Variants in TMTC1 observed in about 807,000 individuals in gnomAD.
TMTC1 encodes protein O-mannosyl-transferase TMTC1.
A neutral mutation model predicts 104.8 loss-of-function variants in TMTC1; 73 were observed. The ratio of observed to expected loss-of-function variants is 0.70; its 90% CI spans 0.58 to 0.85. TMTC1 has a LOEUF of 0.85. Among genes scored for constraint, TMTC1 ranks in the 40% least tolerant of loss-of-function variants. The pLI, the probability that TMTC1 is intolerant of heterozygous loss-of-function variation, is 0.00. For synonymous variants in TMTC1, 434 were observed against 428.7 expected, an observed-to-expected ratio of 1.01 and a Z score of -0.15; for missense variants, 1,035 against 1,096.1, an observed-to-expected ratio of 0.94 and a Z score of 0.79.
intron 7 of TMTC1, among the ~76,000 whole-genome samples, chr12:29,583,882 C>G (rs926835591): frequency 1.3e-4 from 20 of 152,190 alleles, no homozygotes; most frequent in African/African-American, 3.9e-4. Context: ...CATATAAGCT[C>G]TTGGGTCCTG....
chr12:29,758,710 T>A lies in TMTC1; in HGVS notation c.548A>T (p.Tyr183Phe). 6.2e-7 allele frequency: 1 copy of A among 1,613,536 alleles called. No individual in the cohort carries two copies. The highest frequency in any genetic ancestry group is 1.1e-5 in the South Asian group (1 of 90,974). The change falls in exon 3 of 18, where the codon TAC becomes TTC. Residue 183 changes from tyrosine (Y) to phenylalanine (F), a missense_variant. Physicochemically the swap from Tyr to Phe is conservative, Grantham distance 22. Transcript: ENST00000539277. ...CLLFLLAFLSYNRSLDQGCVG... is the reference protein window; with the variant it reads ...CLLFLLAFLSFNRSLDQGCVG... ...CATTCTTAGCTACACATACCTGTTG[T>A]ACGAGAGAAAGGCCAATAGAAACAG...
intron 3 of TMTC1, among the ~76,000 whole-genome samples, chr12:29,758,493 T>A (rs564664341): frequency 1.3e-5 from 2 of 152,210 alleles, no homozygotes; most frequent in East Asian, 3.9e-4. Context: ...GGGAAAGCAA[T>A]CCCTTTAAGG....
At chr12:29,773,494 C>T (rs1181758354) in intron 1 of TMTC1, among the ~76,000 whole-genome samples, 1 of 152,142 alleles carries the variant, frequency 6.6e-6, no homozygotes. Flanking sequence ...GGACTAGAGT[C>T]CTTCCTCAAA....
At chr12:29,521,907 G>A (rs747983376) in intron 11 of TMTC1, among the ~76,000 whole-genome samples, 3 of 152,104 alleles carry the variant, frequency 2.0e-5, no homozygotes, top group Non-Finnish European at 4.4e-5. Context: ...AGACTGTTAT[G>A]TCACACTTAC....
intron 17 of TMTC1, 45 bp from the exon 18 acceptor site, chr12:29,507,031 A>G (rs1424876350): frequency 1.9e-6 from 3 of 1,559,054 alleles, no homozygotes; most frequent in Non-Finnish European, 2.7e-6. Context: ...ATCCATCACA[A>G]AACTCTCTCA....
chr12:29,670,522 C>T (rs1255266365), intron 5 of TMTC1, among the ~76,000 whole-genome samples: 1 of 152,206 alleles, frequency 6.6e-6, no homozygotes, highest in Non-Finnish European at 1.5e-5. Flanking sequence ...AGCTCTGCTA[C>T]CTCTCACGGC....
intron 5 of TMTC1, among the ~76,000 whole-genome samples, chr12:29,683,462 A>G (rs1940987333): frequency 6.6e-6 from 1 of 152,238 alleles, no homozygotes; most frequent in Non-Finnish European, 1.5e-5. Flanking sequence ...AAAATCTTGA[A>G]GCATCTGAAC....
In TMTC1 at chr12:29,507,002, A is replaced by C. The variant is rs781753208; in HGVS notation, c.2509-16T>G. 6.2e-7 allele frequency: 1 copy of C among 1,609,784 alleles called. No individual in the cohort carries two copies. The highest frequency in any genetic ancestry group is 1.1e-5 in the South Asian group (1 of 90,976). ...CATATTTTCCCTGGGGGTGGGAAAG[A>C]GGGAGCAATTACATTCTGATCCATC... On this transcript the variant is annotated splice_polypyrimidine_tract_variant and intron_variant, in intron 17 of 17. Coordinates refer to ENST00000539277, the MANE Select transcript of TMTC1 (RefSeq NM_001193451.2).
At chr12:29,781,418 T>G (rs1451935339) in intron 1 of TMTC1, among the ~76,000 whole-genome samples, 1 of 152,180 alleles carries the variant, frequency 6.6e-6, no homozygotes, top group East Asian at 1.9e-4. Context: ...CAACTCTCCT[T>G]TGCCCTTGTT....
intron 13 of TMTC1, 47 bp downstream of exon 13, chr12:29,518,425 T>A: frequency 6.3e-7 from 1 of 1,593,626 alleles, no homozygotes; most frequent in Non-Finnish European, 8.6e-7. Context: ...GATGAGTGAT[T>A]GCTGAGGTTC....
intron 5 of TMTC1, among the ~76,000 whole-genome samples, chr12:29,714,848 C>T (rs563725460): frequency 6.6e-6 from 1 of 152,340 alleles, no homozygotes; most frequent in East Asian, 1.9e-4. Context: ...GGAGTACATG[C>T]ATCAGGGCCA....
At chr12:29,669,261 A>G (rs2136673475) in intron 5 of TMTC1, among the ~76,000 whole-genome samples, 1 of 152,342 alleles carries the variant, frequency 6.6e-6, no homozygotes, top group South Asian at 2.1e-4. Flanking sequence ...GGAAGATCTA[A>G]TACTGGTACA....
At chr12:29,554,749 T>C (rs1466516222) in intron 10 of TMTC1, among the ~76,000 whole-genome samples, 1 of 152,086 alleles carries the variant, frequency 6.6e-6, no homozygotes, top group Non-Finnish European at 1.5e-5. Flanking sequence ...GGCATGCCTA[T>C]AGTCCCACCT....
At chr12:29,656,131 C>T (rs1045959308) in intron 5 of TMTC1, among the ~76,000 whole-genome samples, 2 of 151,976 alleles carry the variant, frequency 1.3e-5, no homozygotes, top group African/African-American at 4.8e-5. Flanking sequence ...AGGAAACAGA[C>T]CAAGACAGTC....
intron 17 of TMTC1, among the ~76,000 whole-genome samples, chr12:29,509,200 T>C (rs1386341795): frequency 2.0e-5 from 3 of 152,186 alleles, no homozygotes; most frequent in Non-Finnish European, 4.4e-5. Flanking sequence ...TTTACTGTCA[T>C]GAGGCAGTAC....
Position 29,740,773 on chromosome 12 carries a change from A to G in TMTC1, c.938+10893T>C, listed in dbSNP as rs1216185796. On this transcript the variant is annotated intron_variant, in intron 5 of 17. Coordinates refer to ENST00000539277, the MANE Select transcript of TMTC1 (RefSeq NM_001193451.2). ...ATGCATGAGCCACTATGCCCGGCCC[A>G]AGTCAGTCTTTACAAAGAAGGAAAA... Among the ~76,000 whole-genome samples the G allele has an allele frequency of 2.6e-5, 4 of 152,090 alleles. No homozygotes were observed. The East Asian group carries it at 7.7e-4, about 29-fold the overall frequency.
intron 5 of TMTC1, among the ~76,000 whole-genome samples, chr12:29,689,258 TG>T (rs1317399145): frequency 6.9e-6 from 1 of 143,972 alleles, no homozygotes; most frequent in Non-Finnish European, 1.6e-5. Context: ...CTTAAGCCAC[TG>T]GTTTTTTTTT....
intron 5 of TMTC1, among the ~76,000 whole-genome samples, chr12:29,725,260 C>T (rs1056736375): frequency 4.0e-5 from 6 of 151,810 alleles, no homozygotes; most frequent in African/African-American, 1.5e-4. Flanking sequence ...CTTGTGACCT[C>T]ATGTGATCCA....
chr12:29,548,692 T>C (rs1193820449), intron 10 of TMTC1, among the ~76,000 whole-genome samples: 6 of 151,542 alleles, frequency 4.0e-5, no homozygotes, highest in Non-Finnish European at 8.8e-5. Flanking sequence ...CTCAGGTATG[T>C]CTTTATTAGC....
Sources: allele counts gnomAD v4.1 joint callset (sites outside exome capture counted in the v4.1 genomes callset), GRCh38; gene constraint gnomAD v4.1.1; transcripts MANE v1.5; gene names NCBI Gene and HGNC (gene_info 2026-07-23, HGNC 2026-07-21).